The following P4HB variants were observed in gnomAD, a reference collection of about 807,000 sequenced individuals.
The protein encoded by P4HB is protein disulfide-isomerase.
P4HB carries 20 observed loss-of-function variants against 52.6 expected under a neutral mutation model. The observed-to-expected ratio is 0.38, with a 90% CI of 0.27 to 0.55. The LOEUF (loss-of-function observed/expected upper bound fraction) is 0.55. P4HB is among the 20% of genes least tolerant of loss of function. The pLI, the probability that P4HB is intolerant of heterozygous loss-of-function variation, is 0.74. For missense variants in P4HB, 601 were observed against 669.2 expected (o/e 0.90, Z 1.12); for synonymous variants, 296 against 277.9 (o/e 1.07, Z -0.65).
chr17:81,853,821 G>A (rs1316001779), intron 4 of P4HB, among the ~76,000 whole-genome samples: 1 of 152,104 alleles, frequency 6.6e-6, no homozygotes, highest in Admixed American at 6.6e-5. Flanking sequence ...ACACTACCCT[G>A]GCTCTGAGCG....
At chr17:81,859,134 G>T in intron 2 of P4HB, 47 bp downstream of exon 2, 2 of 1,571,132 alleles carry the variant, frequency 1.3e-6, no homozygotes, top group Non-Finnish European at 1.8e-6. Flanking sequence ...AAGTCGGCAG[G>T]CCAGTCCCTC....
chr17:81,858,493 A>C (rs2038949149), intron 2 of P4HB, among the ~76,000 whole-genome samples: 1 of 152,148 alleles, frequency 6.6e-6, no homozygotes, highest in African/African-American at 2.4e-5. Flanking sequence ...CGGGCTACCC[A>C]CCATGAGCAT....
chr17:81,846,706 A>G lies in P4HB; in HGVS notation c.856-77T>C. ...TCCAGCCCTGACTTTGCTCGGAAGCAGACCGTGCTCCGGTGCCTTTTTCCT... is the reference window on the plus strand; with the variant it reads ...TCCAGCCCTGACTTTGCTCGGAAGCGGACCGTGCTCCGGTGCCTTTTTCCT... On this transcript the variant is annotated intron_variant, in intron 6 of 10. Coordinates refer to ENST00000331483, the MANE Select transcript of P4HB (RefSeq NM_000918.4). The surrounding 1 kb of genome is among the most constrained non-coding windows in gnomAD (Gnocchi z 5.7). The G allele has an allele frequency of 6.9e-7, 1 of 1,446,374 alleles. No homozygotes were observed. Among genetic ancestry groups the G allele is most frequent in the African/African-American group, 1.4e-5 (1 of 71,510 alleles). 89.6% of individuals were successfully genotyped at this position (1,446,374 alleles called of 1,614,324 possible). A position where few individuals can be genotyped will look rare whatever the true frequency, so the allele number is the denominator to read the frequency against.
intron 4 of P4HB, among the ~76,000 whole-genome samples, chr17:81,848,243 T>G (rs910587939): frequency 6.6e-6 from 1 of 152,124 alleles, no homozygotes; most frequent in African/African-American, 2.4e-5. Flanking sequence ...GCCTCTGCCT[T>G]TTCACTCTCC....
Position 81,846,452 on chromosome 17 carries a change from G to A in P4HB, c.1033C>T (p.Arg345Cys), listed in dbSNP as rs147408417. The change falls in exon 7 of 11, where the codon CGC becomes TGC. Residue 345 changes from arginine (R) to cysteine (C), a missense_variant. Physicochemically the swap from Arg to Cys is radical, Grantham distance 180 (BLOSUM62 -3). Coordinates refer to ENST00000331483, the MANE Select transcript of P4HB (RefSeq NM_000918.4). This position sits in a 1 kb window ranked among gnomAD's most constrained non-coding sequence, Gnocchi z 5.7. ...ACCTTGATTTTGCCCTCCAGGAAGC[G>A]GTGGCAGAACTCTGTGATCCTCTCT... ...TAERITEFCHRFLEGKIKPHL... is the reference protein window; with the variant it reads ...TAERITEFCHCFLEGKIKPHL... The A allele has an allele frequency of 1.6e-5, 26 of 1,613,578 alleles. 1 individual carries two copies. The highest frequency in any genetic ancestry group is 1.6e-4 in the Middle Eastern group (1 of 6,062).
At chr17:81,859,676 T>C in intron 1 of P4HB, 1 of 453,478 alleles carries the variant, frequency 2.2e-6, no homozygotes, top group South Asian at 2.3e-5. Context: ...TGACTTCTTA[T>C]TCCCCACAGG....
rs2038680178 is a variant in P4HB, at chr17:81,843,223, T to C, written c.*789A>G. The stretch of plus-strand genomic sequence containing the variant: ...AATTCGATTGTGAAATAGAAATGCC[T>C]GAAGAACTGTCAGCGTCTGATTCAG... On this transcript the variant is annotated 3_prime_UTR_variant, in exon 11 of 11. Coordinates refer to ENST00000331483, the MANE Select transcript of P4HB (RefSeq NM_000918.4). 2.8e-6 allele frequency: 1 copy of C among 352,370 alleles called. No individual in the cohort carries two copies. Among genetic ancestry groups the C allele is most frequent in the African/African-American group, 2.1e-5 (1 of 47,770 alleles). The allele number at this position is 352,370 out of a possible 1,614,324, so 21.8% of individuals were successfully genotyped here.
intron 4 of P4HB, among the ~76,000 whole-genome samples, chr17:81,854,001 C>T (rs112537512): frequency 2.0e-5 from 3 of 152,344 alleles, no homozygotes; most frequent in African/African-American, 7.2e-5. Flanking sequence ...CGGGGAGAGG[C>T]GGCTAAGAGG....
chr17:81,855,549 C>T lies in P4HB; in HGVS notation c.390G>A (p.Lys130=), dbSNP rs747076974. ...TGGTGGCAGCCGGGCCCGTGCGCTTCTTCAGCCAGTTCACGATGTCATCAG... is the reference window on the plus strand; with the variant it reads ...TGGTGGCAGCCGGGCCCGTGCGCTTTTTCAGCCAGTTCACGATGTCATCAG... ...READDIVNWL[K]KRTGPAATTL... The change falls in exon 3 of 11, where the codon AAG becomes AAA. Residue 130 remains lysine, a synonymous_variant. Coordinates refer to ENST00000331483, the MANE Select transcript of P4HB (RefSeq NM_000918.4). This position sits in a 1 kb window ranked among gnomAD's most constrained non-coding sequence, Gnocchi z 4.3. 10 of 1,613,898 alleles carry T rather than the reference C, an allele frequency of 6.2e-6. No homozygotes were observed. The highest frequency in any genetic ancestry group is 1.3e-5 in the African/African-American group (1 of 74,934).
At chr17:81,853,300 C>T (rs967688285) in intron 4 of P4HB, among the ~76,000 whole-genome samples, 7 of 152,098 alleles carry the variant, frequency 4.6e-5, no homozygotes, top group Admixed American at 6.5e-5. Context: ...GTGAATGGGT[C>T]GGTGGCTCAC....
intron 2 of P4HB, among the ~76,000 whole-genome samples, chr17:81,857,179 C>T (rs915407344): frequency 2.0e-5 from 3 of 152,152 alleles, no homozygotes; most frequent in African/African-American, 7.2e-5. Context: ...AACGAAGTCT[C>T]ACTCTGTCAC....
chr17:81,860,101 G>C (rs780706239), intron 1 of P4HB: 12 of 395,056 alleles, frequency 3.0e-5, no homozygotes, highest in Non-Finnish European at 4.9e-5. Flanking sequence ...CTAACAGGAA[G>C]ATCCTGCCGT....
At chr17:81,860,149 G>A in intron 1 of P4HB, 178 bp downstream of exon 1, 3 of 473,822 alleles carry the variant, frequency 6.3e-6, no homozygotes, top group Non-Finnish European at 1.0e-5. Context: ...CCGGCTCCCA[G>A]CCCGGCTCTC....
Position 81,844,037 on chromosome 17 carries a change from T to G in P4HB, c.1502A>C (p.Gln501Pro). The G allele has an allele frequency of 1.2e-6, 2 of 1,613,850 alleles. No homozygotes were observed. The highest frequency in any genetic ancestry group is 1.7e-6 in the Non-Finnish European group (2 of 1,179,750). ...TTACAGTTCATCTTTCACAGCTTTC[T>G]GATCATCGTCTTCCTCCATGTCTGG... ...EEPDMEEDDDQKAVKDEL is the reference protein window; with the variant it reads ...EEPDMEEDDDPKAVKDEL The change falls in exon 11 of 11, where the codon CAG becomes CCG. Residue 501 changes from glutamine to proline, a missense_variant. Physicochemically the swap from Gln to Pro is moderately conservative, Grantham distance 76 (BLOSUM62 -1). Coordinates refer to ENST00000331483, the MANE Select transcript of P4HB (RefSeq NM_000918.4).
At chr17:81,847,104 GTC>G (rs749122648) in intron 5 of P4HB, 32 bp from the exon 6 acceptor site, 2 of 1,613,606 alleles carry the variant, frequency 1.2e-6, no homozygotes, top group Non-Finnish European at 1.7e-6. Flanking sequence ...CTGGGTCTGA[GTC>G]ACACACTATT....
chr17:81,844,255 G>C (rs190511583), intron 10 of P4HB, among the ~76,000 whole-genome samples, 163 bp from the exon 11 acceptor site: 1 of 151,892 alleles, frequency 6.6e-6, no homozygotes, highest in African/African-American at 2.4e-5. Flanking sequence ...GCTACACAGG[G>C]GTCTTCCCAG....
At position 81,846,664 on chromosome 17, in the gene P4HB, G is replaced by T; in HGVS notation, c.856-35C>A. On this transcript the variant is annotated intron_variant, in intron 6 of 10. Coordinates refer to ENST00000331483, the MANE Select transcript of P4HB (RefSeq NM_000918.4). The surrounding 1 kb of genome is among the most constrained non-coding windows in gnomAD (Gnocchi z 5.7). Reference sequence around the variant, plus strand: ...AAAAGGAGGTTGCACAGGTGCGGGAGACGGCTGGCCTCTGCCTCCAGCCCT... The same window carrying T: ...AAAAGGAGGTTGCACAGGTGCGGGATACGGCTGGCCTCTGCCTCCAGCCCT... The T allele has an allele frequency of 6.3e-7, 1 of 1,594,690 alleles. No individual in the cohort carries two copies. Among genetic ancestry groups the T allele is most frequent in the Non-Finnish European group, 8.6e-7 (1 of 1,166,054 alleles).
intron 4 of P4HB, 138 bp from the exon 5 acceptor site, chr17:81,847,485 A>G: frequency 2.2e-5 from 16 of 720,326 alleles, no homozygotes; most frequent in South Asian, 2.0e-4. Flanking sequence ...AGGTCCAGCA[A>G]TGGGTACAGG....
chr17:81,856,838 C>CG (rs2038919057), intron 2 of P4HB, among the ~76,000 whole-genome samples: 1 of 151,428 alleles, frequency 6.6e-6, no homozygotes. Flanking sequence ...TTAGTAGAGA[C>CG]GGGGTTTCAC....
Sources: gnomAD v4.1 joint callset for allele counts (sites outside exome capture counted in the v4.1 genomes callset) on GRCh38, gnomAD v4.1.1 for gene constraint, Gnocchi (gnomAD v3.1) non-coding constraint, MANE v1.5 for transcripts, NCBI Gene and HGNC (gene_info 2026-07-23, HGNC 2026-07-21) for gene names.